The following PRUNE2 variants were observed in gnomAD, a reference collection of about 807,000 sequenced individuals.
PRUNE2 encodes protein prune homolog 2.
PRUNE2 carries 164 observed loss-of-function variants against 252.0 expected under a neutral mutation model. The ratio of observed to expected loss-of-function variants is 0.65; its 90% CI spans 0.57 to 0.74. The LOEUF (loss-of-function observed/expected upper bound fraction) is 0.74. Among genes scored for constraint, PRUNE2 ranks in the 30% least tolerant of loss-of-function variants. The pLI is 0.00. For synonymous variants in PRUNE2, 1,292 were observed against 1,350.2 expected, an observed-to-expected ratio of 0.96 and a Z score of 0.94; for missense variants, 3,495 against 3,711.0, an observed-to-expected ratio of 0.94 and a Z score of 1.51.
intron 4 of PRUNE2, among the ~76,000 whole-genome samples, chr9:76,838,645 C>CAAAAAAAAAAAAA (rs10540002): frequency 1.2e-5 from 1 of 84,654 alleles, no homozygotes; most frequent in Non-Finnish European, 2.4e-5. Flanking sequence ...AACTCTGTCT[C>CAAAAAAAAAAAAA]AAAAAAAAAA....
At chr9:76,871,061 C>G (rs1415702970) in intron 1 of PRUNE2, among the ~76,000 whole-genome samples, 1 of 152,158 alleles carries the variant, frequency 6.6e-6, no homozygotes, top group African/African-American at 2.4e-5. Flanking sequence ...CCCTATGTGA[C>G]AGATAAATTT....
At chr9:76,879,503 T>C (rs931234234) in intron 1 of PRUNE2, among the ~76,000 whole-genome samples, 19 of 152,194 alleles carry the variant, frequency 1.2e-4, no homozygotes, top group African/African-American at 4.3e-4. Context: ...TGCTTTTATG[T>C]AGCTTATATT....
At chr9:76,837,472 A>C (rs1390953506) in intron 4 of PRUNE2, among the ~76,000 whole-genome samples, 1 of 58,130 alleles carries the variant, frequency 1.7e-5, no homozygotes, top group South Asian at 4.3e-4. Context: ...TAATAATAAT[A>C]ATAATGCTAT....
chr9:76,837,020 T>A (rs2059022295), intron 4 of PRUNE2, among the ~76,000 whole-genome samples: 1 of 152,200 alleles, frequency 6.6e-6, no homozygotes, highest in Admixed American at 6.5e-5. Flanking sequence ...TGTATAAGAC[T>A]AAAAAGATTC....
At chr9:76,858,759 A>T (rs966249736) in intron 1 of PRUNE2, among the ~76,000 whole-genome samples, 4 of 135,318 alleles carry the variant, frequency 3.0e-5, no homozygotes, top group Non-Finnish European at 4.7e-5. Flanking sequence ...AGGTATAATT[A>T]AAAAAAAAAA....
chr9:76,814,697 C>A (rs993987599), intron 6 of PRUNE2, among the ~76,000 whole-genome samples: 1 of 152,098 alleles, frequency 6.6e-6, no homozygotes, highest in Non-Finnish European at 1.5e-5. Context: ...TTATTCCATG[C>A]CTTTAGTGCA....
chr9:76,743,160 T>G (rs1588967820), intron 6 of PRUNE2, among the ~76,000 whole-genome samples: 1 of 152,198 alleles, frequency 6.6e-6, no homozygotes, highest in East Asian at 1.9e-4. Context: ...ATAAGTTTCT[T>G]GAGGACTTCC....
intron 12 of PRUNE2, among the ~76,000 whole-genome samples, chr9:76,639,204 C>T (rs888073424): frequency 1.3e-5 from 2 of 152,170 alleles, no homozygotes; most frequent in Non-Finnish European, 2.9e-5. Context: ...AATCTATATA[C>T]AGCCAGGCCG....
At chr9:76,891,907 T>G (rs537711480) in intron 1 of PRUNE2, among the ~76,000 whole-genome samples, 5 of 152,146 alleles carry the variant, frequency 3.3e-5, no homozygotes, top group Non-Finnish European at 7.3e-5. Context: ...TCCTCAAGGT[T>G]AATCAAATGA....
intron 6 of PRUNE2, among the ~76,000 whole-genome samples, chr9:76,742,556 T>TATA (rs1431884344): frequency 6.6e-6 from 1 of 151,862 alleles, no homozygotes; most frequent in African/African-American, 2.4e-5. Context: ...AGGTCAAGGC[T>TATA]ATAGCAAGCC....
At chr9:76,791,943 G>A (rs923142449) in intron 6 of PRUNE2, among the ~76,000 whole-genome samples, 1 of 152,198 alleles carries the variant, frequency 6.6e-6, no homozygotes, top group Non-Finnish European at 1.5e-5. Flanking sequence ...GGGAGAAGGA[G>A]GGAGGGAAGG....
chr9:76,792,318 C>T (rs2055631764), intron 6 of PRUNE2, among the ~76,000 whole-genome samples: 1 of 152,192 alleles, frequency 6.6e-6, no homozygotes. Flanking sequence ...TCACCTTCCA[C>T]CATGATTGTG....
intron 9 of PRUNE2, among the ~76,000 whole-genome samples, chr9:76,691,674 T>C (rs1045433850): frequency 2.6e-5 from 4 of 152,158 alleles, no homozygotes; most frequent in African/African-American, 9.7e-5. Context: ...TGTCAAATAA[T>C]CCAAAGAGAC....
intron 11 of PRUNE2, among the ~76,000 whole-genome samples, chr9:76,647,576 G>A (rs529591581): frequency 1.3e-5 from 2 of 152,300 alleles, no homozygotes; most frequent in South Asian, 4.1e-4. Flanking sequence ...TCAAGAGAAT[G>A]AGAATAAGAA....
intron 6 of PRUNE2, among the ~76,000 whole-genome samples, chr9:76,717,961 G>A (rs2047307087): frequency 6.6e-6 from 1 of 152,164 alleles, no homozygotes; most frequent in African/African-American, 2.4e-5. Context: ...AACGTGGGGA[G>A]AAAAAGCCTT....
intron 9 of PRUNE2, among the ~76,000 whole-genome samples, chr9:76,674,381 C>T (rs2042111984): frequency 6.6e-6 from 1 of 151,686 alleles, no homozygotes. Context: ...GAGAACTACA[C>T]TCACTTGAGC....
rs2062674251 is a variant in PRUNE2 at position 76,894,273 on chromosome 9, A to T, written c.36+11655T>A. ...CTCTTTATACTGTAGCCAATGAAGG[A>T]TGAGAGAATCATACCCCATAGTTTG... On this transcript the variant is annotated intron_variant, in intron 1 of 18. Transcript: ENST00000376718. 3.3e-5 allele frequency among the ~76,000 whole-genome samples: 5 copies of T among 152,210 alleles called. No individual in the cohort carries two copies. The South Asian group carries it at 1.0e-3, about 31-fold the overall frequency.
chr9:76,705,341 T>A lies in PRUNE2; in HGVS notation c.6933A>T (p.Thr2311=). Residue 2311 remains threonine, a synonymous_variant, in exon 8 of 19, where the codon ACA becomes ACT. Coordinates refer to ENST00000376718, the MANE Select transcript of PRUNE2 (RefSeq NM_015225.3). ...TCATGTCATCTATTGTTCCCGTGGA[T>A]GTGTTGAGACCTGAGGCATCGCTGA... The part of the protein sequence containing the change: ...HSFSDASGLN[T]STGTIDDMSK... 6.2e-7 allele frequency: 1 copy of A among 1,614,016 alleles called. No homozygotes were observed. The highest frequency in any genetic ancestry group is 1.1e-5 in the South Asian group (1 of 91,076).
At chr9:76,848,375 T>C (rs1159459629) in intron 3 of PRUNE2, among the ~76,000 whole-genome samples, 1 of 152,228 alleles carries the variant, frequency 6.6e-6, no homozygotes, top group African/African-American at 2.4e-5. Context: ...TAGCCACGTG[T>C]CAATGATTGA....
Sources: allele counts gnomAD v4.1 joint callset (sites outside exome capture counted in the v4.1 genomes callset), GRCh38; gene constraint gnomAD v4.1.1; transcripts MANE v1.5; gene names NCBI Gene and HGNC (gene_info 2026-07-23, HGNC 2026-07-21).